The following ZNF660 variants were observed in gnomAD, a reference collection of about 807,000 sequenced individuals.
ZNF660 encodes the protein zinc finger protein 660.
In ZNF660, 24 loss-of-function variants were observed where a neutral mutation model predicts 23.2. The ratio of observed to expected loss-of-function variants is 1.04; its 90% CI spans 0.75 to 1.46. ZNF660 has a LOEUF of 1.46. ZNF660 is among the 40% of genes most tolerant of loss of function. The pLI, the probability that ZNF660 is intolerant of heterozygous loss-of-function variation, is 0.00. For synonymous variants in ZNF660, 117 were observed against 131.4 expected, an observed-to-expected ratio of 0.89 and a Z score of 0.75; for missense variants, 373 against 396.8, an observed-to-expected ratio of 0.94 and a Z score of 0.51.
chr3:44,589,959 C>CTTTTTTTTT (rs397876489), intron 2 of ZNF660, among the ~76,000 whole-genome samples: 1 of 102,972 alleles, frequency 9.7e-6, no homozygotes, highest in Non-Finnish European at 1.9e-5. Flanking sequence ...AACCCTGTGC[C>CTTTTTTTTT]TTTTTTTTTT....
chr3:44,591,274 G>A (rs944550391), intron 2 of ZNF660, among the ~76,000 whole-genome samples: 1 of 152,082 alleles, frequency 6.6e-6, no homozygotes, highest in Non-Finnish European at 1.5e-5. Context: ...GACTACAGGT[G>A]CACACCACCA....
At chr3:44,589,099 A>G (rs1255174094) in intron 2 of ZNF660, among the ~76,000 whole-genome samples, 1 of 152,142 alleles carries the variant, frequency 6.6e-6, no homozygotes, top group Non-Finnish European at 1.5e-5. Context: ...CATTCATTCA[A>G]CAAACGTTTA....
chr3:44,596,488 T>C lies in ZNF660; in HGVS notation c.*1299T>C, dbSNP rs1700614019. ...AGGTAGTACTTAGGATATTTTCAGA[T>C]GTATTGAACAGAATACCAAGTACTA... On this transcript the variant is annotated 3_prime_UTR_variant, in exon 3 of 3. Transcript: ENST00000322734. 1 of 152,238 alleles carries C rather than the reference T, an allele frequency of 6.6e-6. No homozygotes were observed. The highest frequency in any genetic ancestry group is 1.5e-5 in the Non-Finnish European group (1 of 68,036). The allele number at this position is 152,238 out of a possible 1,614,324, so 9.4% of individuals were successfully genotyped here. A position where few individuals can be genotyped will look rare whatever the true frequency, so the allele number is the denominator to read the frequency against.
At position 44,594,514 on chromosome 3, in the gene ZNF660, A is replaced by G; in HGVS notation, c.321A>G (p.Thr107=). 5.6e-6 allele frequency: 9 copies of G among 1,614,196 alleles called. No homozygotes were observed. Among genetic ancestry groups the G allele is most frequent in the South Asian group, 3.3e-5 (3 of 91,084 alleles). The stretch of plus-strand genomic sequence containing the variant: ...TCCACACTGGACTGAAGCCCTATAC[A>G]TGCAGTGAATGTGGGAAATCTTTCA... ...RRIHTGLKPY[T]CSECGKSFSG... Residue 107 remains threonine (T), a synonymous_variant, in exon 3 of 3, where the codon ACA becomes ACG. Transcript: ENST00000322734.
intron 2 of ZNF660, among the ~76,000 whole-genome samples, chr3:44,589,067 C>T (rs1314644322): frequency 1.3e-5 from 2 of 152,182 alleles, no homozygotes; most frequent in Non-Finnish European, 2.9e-5. Context: ...GGATTAGGGT[C>T]TTGCTATCTT....
At chr3:44,589,870 G>T (rs980716687) in intron 2 of ZNF660, among the ~76,000 whole-genome samples, 1 of 151,836 alleles carries the variant, frequency 6.6e-6, no homozygotes, top group African/African-American at 2.4e-5. Context: ...AGGAATACAG[G>T]GTAAGCAGGA....
At position 44,595,441 on chromosome 3, in the gene ZNF660, C is replaced by A; in HGVS notation, c.*252C>A. ...ATGATGGTTCTGCAGCCATTGCAAA[C>A]ATTTTTAAAGACAATTTAATGCCAT... On this transcript the variant is annotated 3_prime_UTR_variant, in exon 3 of 3. Coordinates refer to ENST00000322734, the MANE Select transcript of ZNF660 (RefSeq NM_173658.4). 3.1e-6 allele frequency: 1 copy of A among 326,314 alleles called. No individual in the cohort carries two copies. The highest frequency in any genetic ancestry group is 4.5e-5 in the Admixed American group (1 of 22,396). The allele number at this position is 326,314 out of a possible 1,614,324, so 20.2% of individuals were successfully genotyped here. A position where few individuals can be genotyped will look rare whatever the true frequency, so the allele number is the denominator to read the frequency against.
chr3:44,590,527 C>T (rs1391660798), intron 2 of ZNF660, among the ~76,000 whole-genome samples: 1 of 152,182 alleles, frequency 6.6e-6, no homozygotes, highest in African/African-American at 2.4e-5. Context: ...GAGGCCCCAT[C>T]TCCAAATACA....
At chr3:44,590,650 TAC>T (rs1158469692) in intron 2 of ZNF660, among the ~76,000 whole-genome samples, 2 of 152,234 alleles carry the variant, frequency 1.3e-5, no homozygotes, top group Non-Finnish European at 2.9e-5. Flanking sequence ...CAGGGATATA[TAC>T]AGAGTAGGGT....
chr3:44,594,806 A>T lies in ZNF660; in HGVS notation c.613A>T (p.Ile205Phe). Reference sequence around the variant, plus strand: ...GAAAACATGTGGTTCTAATACAAAGATTATGGACCATCAGAGAATTCACAC... The same window carrying T: ...GAAAACATGTGGTTCTAATACAAAGTTTATGGACCATCAGAGAATTCACAC... Reference protein sequence around the residue: ...CGKTCGSNTKIMDHQRIHTGE... With the variant: ...CGKTCGSNTKFMDHQRIHTGE... Residue 205 changes from isoleucine to phenylalanine, a missense_variant, in exon 3 of 3, where the codon ATT becomes TTT. Transcript: ENST00000322734. 6.2e-7 allele frequency: 1 copy of T among 1,614,112 alleles called. No homozygotes were observed. Among genetic ancestry groups the T allele is most frequent in the Non-Finnish European group, 8.5e-7 (1 of 1,180,028 alleles).
chr3:44,590,824 A>C (rs1429322638), intron 2 of ZNF660, among the ~76,000 whole-genome samples: 1 of 152,150 alleles, frequency 6.6e-6, no homozygotes, highest in African/African-American at 2.4e-5. Flanking sequence ...CTGGCTTTGC[A>C]CTGTTTTCTC....
In ZNF660 at chr3:44,599,386, AG is replaced by A. The variant is rs2125760013; in HGVS notation, c.*4199del. 6.6e-6 allele frequency: 1 copy of A among 152,308 alleles called. No individual in the cohort carries two copies. Among genetic ancestry groups the A allele is most frequent in the South Asian group, 2.1e-4 (1 of 4,830 alleles). 9.4% of individuals were successfully genotyped at this position (152,308 alleles called of 1,614,324 possible). On this transcript the variant is annotated 3_prime_UTR_variant, in exon 3 of 3. Transcript: ENST00000322734. ...TTTCATAGATGGTGCGTCCTGTGTT[AG>A]GTATTACTTGGAAGAAAATTGAAGT...
intron 2 of ZNF660, among the ~76,000 whole-genome samples, chr3:44,589,384 GA>G (rs1478642281): frequency 1.3e-5 from 2 of 152,156 alleles, no homozygotes; most frequent in African/African-American, 2.4e-5. Flanking sequence ...GGAAAACCAG[GA>G]TATATGATTG....
At chr3:44,591,152 A>C (rs1303771292) in intron 2 of ZNF660, among the ~76,000 whole-genome samples, 2 of 152,058 alleles carry the variant, frequency 1.3e-5, no homozygotes, top group East Asian at 3.9e-4. Flanking sequence ...TTTTTGAGAC[A>C]AAGTCTTGCT....
chr3:44,599,215 C>T lies in ZNF660; in HGVS notation c.*4026C>T, dbSNP rs1040065966. ...ACATCCTGGTTATATAGAATTGCTC[C>T]TGTGTAGAATAAAAATATATATGCT... is the stretch of plus-strand genomic sequence containing the variant. On this transcript the variant is annotated 3_prime_UTR_variant, in exon 3 of 3. Transcript: ENST00000322734. The T allele has an allele frequency of 2.6e-5, 4 of 152,058 alleles. No individual in the cohort carries two copies. The highest frequency in any genetic ancestry group is 9.7e-5 in the African/African-American group (4 of 41,378). 9.4% of individuals were successfully genotyped at this position (152,058 alleles called of 1,614,324 possible).
rs397876489 is a variant in ZNF660 at position 44,589,959 on chromosome 3, CTTTTTTTTTTT to C, written c.-181+3759_-181+3769del. 4.6e-4 allele frequency among the ~76,000 whole-genome samples: 47 copies of C among 102,996 alleles called. 1 individual carries two copies. Among genetic ancestry groups the C allele is most frequent in the Middle Eastern group, 5.3e-3 (1 of 188 alleles). 67.6% of individuals were successfully genotyped at this position (102,996 alleles called of 152,430 possible). ...ATTTTCATGTATACCAACCCTGTGC[CTTTTTTTTTTT>C]TTTTTTTTTTTTGAGAAAACACTGC... On this transcript the variant is annotated intron_variant, in intron 2 of 2. Transcript: ENST00000322734.
intron 2 of ZNF660, among the ~76,000 whole-genome samples, chr3:44,590,693 G>A (rs1700392513): frequency 6.6e-6 from 1 of 152,184 alleles, no homozygotes; most frequent in Admixed American, 6.6e-5. Flanking sequence ...AGAAATGTAT[G>A]AAGAAAAGAG....
chr3:44,588,042 C>T (rs147733364), intron 2 of ZNF660, among the ~76,000 whole-genome samples: 1 of 152,012 alleles, frequency 6.6e-6, no homozygotes, highest in African/African-American at 2.4e-5. Context: ...GCAACAAGAG[C>T]GAAACTTCGT....
At chr3:44,593,434 C>T (rs1300823088) in intron 2 of ZNF660, among the ~76,000 whole-genome samples, 1 of 152,120 alleles carries the variant, frequency 6.6e-6, no homozygotes, top group East Asian at 1.9e-4. Context: ...TGGCTCTGAG[C>T]TGGGTGCGGT....
Sources: gnomAD v4.1 joint callset for allele counts (sites outside exome capture counted in the v4.1 genomes callset) on GRCh38, gnomAD v4.1.1 for gene constraint, MANE v1.5 for transcripts, NCBI Gene and HGNC (gene_info 2026-07-23, HGNC 2026-07-21) for gene names.